CREB5: variants seen among roughly 807,000 people sequenced by gnomAD.
CREB5 encodes the protein cyclic AMP-responsive element-binding protein 5.
In CREB5, 19 loss-of-function variants were observed where a neutral mutation model predicts 57.1. That is an observed-to-expected ratio of 0.33 (90% CI 0.23 to 0.49). The LOEUF is 0.49. CREB5 is among the 20% of genes least tolerant of loss of function. The pLI is 0.99. For missense variants in CREB5, 579 were observed against 671.6 expected, an observed-to-expected ratio of 0.86 and a Z score of 1.52; for synonymous variants, 238 against 238.3, an observed-to-expected ratio of 1.00 and a Z score of 0.01.
intron 4 of CREB5, among the ~76,000 whole-genome samples, chr7:28,565,019 G>A (rs111271112): frequency 1.3e-5 from 2 of 152,312 alleles, no homozygotes; most frequent in African/African-American, 2.4e-5. Flanking sequence ...TGAGCCCAGC[G>A]AGGTTGAATG....
chr7:28,768,563 AG>A (rs1806131296), intron 7 of CREB5, among the ~76,000 whole-genome samples: 1 of 152,210 alleles, frequency 6.6e-6, no homozygotes, highest in South Asian at 2.1e-4. Context: ...CTTTATAGTC[AG>A]GGAACTTTTC....
intron 1 of CREB5, among the ~76,000 whole-genome samples, chr7:28,306,555 G>GTTTTTTTTTTTTTTTTTTTTTTTTT (rs869277871): frequency 1.7e-5 from 1 of 58,086 alleles, no homozygotes; most frequent in African/African-American, 6.5e-5. Context: ...TGTTTTTTTT[G>GTTTTTTTTTTTTTTTTTTTTTTTTT]TTTTTTTTTT....
In CREB5 at chr7:28,553,873, C is replaced by G. The variant is rs1794765358; in HGVS notation, c.292-16492C>G. Among the ~76,000 whole-genome samples the G allele has an allele frequency of 2.0e-5, 3 of 152,172 alleles. No homozygotes were observed. The South Asian group carries it at 6.2e-4, about 32-fold the overall frequency. On this transcript the variant is annotated intron_variant, in intron 4 of 10. Transcript: ENST00000357727. ...TAAAATGTCCTCAGGCTTCTGTGGT[C>G]AGAGATTCTTTGGCTGATGGGAGGT...
intron 5 of CREB5, among the ~76,000 whole-genome samples, chr7:28,666,848 A>G (rs10273866): frequency 0.26 from 39,451 of 151,500 alleles, 5,255 homozygotes; most frequent in Middle Eastern, 0.37. Context: ...GGGAGGATCA[A>G]TTGAGCTCAC....
chr7:28,687,541 C>T (rs1235741658), intron 5 of CREB5, among the ~76,000 whole-genome samples: 1 of 147,778 alleles, frequency 6.8e-6, no homozygotes, highest in East Asian at 2.0e-4. Flanking sequence ...CACCATCCGG[C>T]ATTACTAGAT....
intron 5 of CREB5, among the ~76,000 whole-genome samples, chr7:28,642,530 T>G (rs1000944623): frequency 1.3e-5 from 2 of 152,220 alleles, no homozygotes; most frequent in Non-Finnish European, 2.9e-5. Context: ...TTTTTGCTCT[T>G]TCACATACAA....
chr7:28,618,928 G>A (rs1050005171), intron 5 of CREB5, among the ~76,000 whole-genome samples: 1 of 152,184 alleles, frequency 6.6e-6, no homozygotes, highest in Non-Finnish European at 1.5e-5. Context: ...TACATGCTCA[G>A]AGAATTTTAT....
At chr7:28,396,700 A>T (rs1787343455) in intron 1 of CREB5, among the ~76,000 whole-genome samples, 1 of 152,170 alleles carries the variant, frequency 6.6e-6, no homozygotes, top group Admixed American at 6.5e-5. Context: ...TTTAATTGCA[A>T]TTTTTAAAAT....
chr7:28,508,220 T>C (rs1792562949), intron 4 of CREB5, among the ~76,000 whole-genome samples: 1 of 152,238 alleles, frequency 6.6e-6, no homozygotes, highest in Non-Finnish European at 1.5e-5. Flanking sequence ...GACAAATAAG[T>C]TGAGTACAAC....
chr7:28,572,271 C>T (rs952350639), intron 5 of CREB5, among the ~76,000 whole-genome samples: 4 of 152,186 alleles, frequency 2.6e-5, no homozygotes, highest in Non-Finnish European at 5.9e-5. Context: ...CCTGGCCCTT[C>T]GAATGCTCGG....
At chr7:28,372,354 A>G (rs1015455857) in intron 1 of CREB5, among the ~76,000 whole-genome samples, 11 of 152,222 alleles carry the variant, frequency 7.2e-5, no homozygotes, top group African/African-American at 2.7e-4. Flanking sequence ...GTAATAATGG[A>G]GACGTCCTGG....
At chr7:28,486,993 A>G (rs1220304736) in intron 1 of CREB5, among the ~76,000 whole-genome samples, 1 of 151,994 alleles carries the variant, frequency 6.6e-6, no homozygotes, top group African/African-American at 2.4e-5. Flanking sequence ...TACATAAGAA[A>G]AGACTACAGT....
chr7:28,546,246 A>T (rs1794419212), intron 4 of CREB5, among the ~76,000 whole-genome samples: 1 of 152,244 alleles, frequency 6.6e-6, no homozygotes, highest in Non-Finnish European at 1.5e-5. Flanking sequence ...TGGCCAAATA[A>T]TATTCCATTG....
At chr7:28,596,816 T>C (rs1340699901) in intron 5 of CREB5, among the ~76,000 whole-genome samples, 3 of 152,244 alleles carry the variant, frequency 2.0e-5, no homozygotes, top group Admixed American at 2.0e-4. Context: ...ATTATAAAGA[T>C]GCCAAAGTGT....
intron 7 of CREB5, among the ~76,000 whole-genome samples, chr7:28,753,835 C>T (rs1334706836): frequency 6.6e-6 from 1 of 151,852 alleles, no homozygotes; most frequent in Non-Finnish European, 1.5e-5. Context: ...CTTTCTAAAT[C>T]TAATTAGAAA....
chr7:28,716,581 T>G (rs61242656), intron 5 of CREB5, among the ~76,000 whole-genome samples: 13,208 of 152,042 alleles, frequency 0.087, 715 homozygotes, highest in African/African-American at 0.14. Flanking sequence ...AGGTAGGGAG[T>G]TCGGATTATT....
chr7:28,512,675 G>A (rs1393707721), intron 4 of CREB5, among the ~76,000 whole-genome samples: 1 of 152,102 alleles, frequency 6.6e-6, no homozygotes, highest in Non-Finnish European at 1.5e-5. Context: ...GTGTATGTGT[G>A]TGTGTGTAAG....
chr7:28,445,394 A>G (rs1008490383), intron 1 of CREB5, among the ~76,000 whole-genome samples: 18 of 152,138 alleles, frequency 1.2e-4, no homozygotes, highest in Non-Finnish European at 2.4e-4. Context: ...GGCTCTGCCT[A>G]TCAGGTTCTA....
intron 1 of CREB5, among the ~76,000 whole-genome samples, chr7:28,404,718 G>A (rs1178236800): frequency 6.6e-6 from 1 of 152,208 alleles, no homozygotes; most frequent in African/African-American, 2.4e-5. Context: ...AGTCCTGTCT[G>A]TCTGGAATGG....
Sources: allele counts gnomAD v4.1 joint callset (sites outside exome capture counted in the v4.1 genomes callset), GRCh38; gene constraint gnomAD v4.1.1; transcripts MANE v1.5; gene names NCBI Gene and HGNC (gene_info 2026-07-23, HGNC 2026-07-21).